The following ELOVL2 variants were observed in gnomAD, a reference collection of about 807,000 sequenced individuals.
The protein encoded by ELOVL2 is ELOVL fatty acid elongase 2.
A neutral mutation model predicts 37.7 loss-of-function variants in ELOVL2; 38 were observed. The ratio of observed to expected loss-of-function variants is 1.01; its 90% CI spans 0.78 to 1.32. The LOEUF (loss-of-function observed/expected upper bound fraction) is 1.32, where lower values mean the gene tolerates loss of function less well. Among genes scored for constraint, ELOVL2 ranks in the 40% most tolerant of loss-of-function variants. The pLI is 0.00. For missense variants in ELOVL2, 352 were observed against 363.6 expected (o/e 0.97, Z 0.26); for synonymous variants, 115 against 122.3 (o/e 0.94, Z 0.40).
chr6:11,006,368 C>A (rs1474340697), intron 2 of ELOVL2, among the ~76,000 whole-genome samples: 1 of 152,158 alleles, frequency 6.6e-6, no homozygotes, highest in Non-Finnish European at 1.5e-5. Context: ...GATAGAGCTA[C>A]AATATAATTA....
At chr6:11,002,157 G>A (rs1782398634) in intron 3 of ELOVL2, among the ~76,000 whole-genome samples, 1 of 152,122 alleles carries the variant, frequency 6.6e-6, no homozygotes, top group South Asian at 2.1e-4. Context: ...AATGTCATCT[G>A]CCATCTCTCC....
intron 1 of ELOVL2, among the ~76,000 whole-genome samples, chr6:11,014,703 G>A (rs1426788296): frequency 6.6e-6 from 1 of 151,654 alleles, no homozygotes; most frequent in East Asian, 1.9e-4. Flanking sequence ...GATTGGAGTT[G>A]GTAAACAATT....
chr6:11,017,956 T>G (rs1782709916), intron 1 of ELOVL2, among the ~76,000 whole-genome samples: 1 of 152,224 alleles, frequency 6.6e-6, no homozygotes, highest in African/African-American at 2.4e-5. Context: ...ATCCATTTCA[T>G]ATACTTCGCA....
chr6:10,983,310 TAAAGGA>T lies in ELOVL2; in HGVS notation c.*465_*470del, dbSNP rs1195317213. ...TTTAATATTTTCTGGGGTTGATTGC[TAAAGGA>T]ACAAATGGAATGATTATGCACTGGC... is the stretch of plus-strand genomic sequence containing the variant. On this transcript the variant is annotated 3_prime_UTR_variant, in exon 8 of 8. Transcript: ENST00000354666. The T allele has an allele frequency of 6.6e-6, 1 of 152,270 alleles. No homozygotes were observed. The highest frequency in any genetic ancestry group is 1.5e-5 in the Non-Finnish European group (1 of 68,092). 9.4% of individuals were successfully genotyped at this position (152,270 alleles called of 1,614,324 possible).
intron 1 of ELOVL2, among the ~76,000 whole-genome samples, chr6:11,037,892 G>A (rs1431431652): frequency 6.6e-6 from 1 of 152,156 alleles, no homozygotes; most frequent in Non-Finnish European, 1.5e-5. Flanking sequence ...TGCAATATAT[G>A]TATATATCCA....
intron 3 of ELOVL2, among the ~76,000 whole-genome samples, chr6:11,004,611 G>A (rs1244631042): frequency 1.3e-5 from 2 of 152,038 alleles, no homozygotes; most frequent in East Asian, 1.9e-4. Context: ...GAGCTAAAAC[G>A]TCAGTGTTCC....
At chr6:11,007,673 T>G (rs1254872363) in intron 2 of ELOVL2, among the ~76,000 whole-genome samples, 2 of 152,218 alleles carry the variant, frequency 1.3e-5, no homozygotes, top group Non-Finnish European at 2.9e-5. Context: ...CATGGTTTAG[T>G]ATTTAATTGA....
chr6:11,039,758 T>G (rs1039430080), intron 1 of ELOVL2, among the ~76,000 whole-genome samples: 9 of 152,238 alleles, frequency 5.9e-5, no homozygotes, highest in Non-Finnish European at 2.9e-5. Flanking sequence ...TATCTGTGCT[T>G]CTTTTCTTGA....
At chr6:10,995,254 T>C in intron 4 of ELOVL2, 76 bp from the exon 5 acceptor site, 1 of 1,114,774 alleles carries the variant, frequency 9.0e-7, no homozygotes, top group Non-Finnish European at 1.3e-6. Flanking sequence ...CTCGGCCTTC[T>C]GCCTGCTGCC....
intron 1 of ELOVL2, among the ~76,000 whole-genome samples, chr6:11,025,235 C>A (rs1782822828): frequency 6.6e-6 from 1 of 152,150 alleles, no homozygotes; most frequent in African/African-American, 2.4e-5. Flanking sequence ...ATCCACGCTG[C>A]CAACCCTGAC....
intron 2 of ELOVL2, among the ~76,000 whole-genome samples, chr6:11,009,809 G>A (rs1782541463): frequency 6.6e-6 from 1 of 152,128 alleles, no homozygotes; most frequent in Admixed American, 6.5e-5. Flanking sequence ...TGACACTGAT[G>A]AGTTTTAAGC....
Position 10,981,957 on chromosome 6 carries a change from T to C in ELOVL2, c.*1824A>G, listed in dbSNP as rs1781942476. 1 of 152,198 alleles carries C rather than the reference T, an allele frequency of 6.6e-6. No homozygotes were observed. Among genetic ancestry groups the C allele is most frequent in the Non-Finnish European group, 1.5e-5 (1 of 68,042 alleles). The allele number at this position is 152,198 out of a possible 1,614,324, so 9.4% of individuals were successfully genotyped here. ...GTCATGCTTGAAGCTAGCCCTTGTTTTAAAATAAATTGCTGGGAGAGAACA... is the reference window on the plus strand; with the variant it reads ...GTCATGCTTGAAGCTAGCCCTTGTTCTAAAATAAATTGCTGGGAGAGAACA... On this transcript the variant is annotated 3_prime_UTR_variant, in exon 8 of 8. Coordinates refer to ENST00000354666, the MANE Select transcript of ELOVL2 (RefSeq NM_017770.4).
In ELOVL2 at chr6:11,010,784, T is replaced by G; in HGVS notation, c.29A>C (p.Glu10Ala). Residue 10 changes from glutamate to alanine, a missense_variant, in exon 2 of 8, where the codon GAA becomes GCA. Glu to Ala is a moderately radical substitution (Grantham distance 107, BLOSUM62 -1). Transcript: ENST00000354666. ...CATATTGTCCAAAAAAGCATTGATT[T>G]CATCATCAAAGGCCTTTAGATGTTC... MEHLKAFDD[E>A]INAFLDNMFG... 13 of 1,612,276 alleles carry G rather than the reference T, an allele frequency of 8.1e-6. No homozygotes were observed. Among genetic ancestry groups the G allele is most frequent in the Non-Finnish European group, 1.1e-5 (13 of 1,179,558 alleles).
chr6:10,998,128 C>T (rs1033342136), intron 4 of ELOVL2, among the ~76,000 whole-genome samples: 1 of 152,098 alleles, frequency 6.6e-6, no homozygotes, highest in Non-Finnish European at 1.5e-5. Context: ...GCCTGCTCCC[C>T]CTTCACCTTC....
chr6:10,999,708 C>A (rs75823542), intron 4 of ELOVL2, among the ~76,000 whole-genome samples: 1 of 152,116 alleles, frequency 6.6e-6, no homozygotes, highest in Non-Finnish European at 1.5e-5. Flanking sequence ...TTTATCCTCT[C>A]GTTTCTTTTT....
intron 4 of ELOVL2, among the ~76,000 whole-genome samples, chr6:10,997,811 A>G (rs1056471911): frequency 3.3e-5 from 5 of 152,208 alleles, no homozygotes; most frequent in South Asian, 2.1e-4. Context: ...CTGAACAGTG[A>G]GTTCAGGTAT....
chr6:11,005,387 C>T lies in ELOVL2; in HGVS notation c.240G>A (p.Ala80=), dbSNP rs149193887. 1.6e-4 allele frequency: 262 copies of T among 1,613,150 alleles called. No individual in the cohort carries two copies. In the African/African-American group the frequency reaches 1.8e-3, roughly 11 times the overall value. Residue 80 remains alanine (A), a synonymous_variant, in exon 3 of 8, where the codon GCG becomes GCA. Transcript: ENST00000354666. ...AAACACTTACCTCTGCCAGCATGTA[C>T]GCGGAGAGAAGTGTGATTCCAAGAT... ...LYNLGITLLS[A]YMLAELILST...
At chr6:11,043,496 G>GTCAGGCAGTT in intron 1 of ELOVL2, 1 of 60,576 alleles carries the variant, frequency 1.7e-5, no homozygotes, top group Admixed American at 2.1e-4. Context: ...ACAGCTTACT[G>GTCAGGCAGTT]CCGAGGAGAA....
chr6:11,026,296 TTTCA>T (rs1293492844), intron 1 of ELOVL2, among the ~76,000 whole-genome samples: 18 of 152,328 alleles, frequency 1.2e-4, no homozygotes, highest in African/African-American at 3.4e-4. Flanking sequence ...TATGAATTTT[TTTCA>T]TTGTCTTTTA....
Sources: gnomAD v4.1 joint callset for allele counts (sites outside exome capture counted in the v4.1 genomes callset) on GRCh38, gnomAD v4.1.1 for gene constraint, MANE v1.5 for transcripts, NCBI Gene and HGNC (gene_info 2026-07-23, HGNC 2026-07-21) for gene names.